The following SCAMP2 variants were observed in gnomAD, a reference collection of about 807,000 sequenced individuals.
The protein encoded by SCAMP2 is secretory carrier membrane protein 2, also known as secretory carrier-associated membrane protein 2.
Under a neutral mutation model 44.1 loss-of-function variants are expected in SCAMP2, and 25 were observed. That is an observed-to-expected ratio of 0.57 (90% CI 0.41 to 0.79). The LOEUF is 0.79. Ranked by LOEUF, SCAMP2 falls within the 30% of genes least tolerant of loss-of-function variation. SCAMP2 has a pLI of 0.00. For missense variants in SCAMP2, 355 were observed against 411.0 expected (o/e 0.86, Z 1.18); for synonymous variants, 156 against 166.0 (o/e 0.94, Z 0.46).
intron 1 of SCAMP2, among the ~76,000 whole-genome samples, chr15:74,868,422 G>A (rs1187428989): frequency 6.6e-6 from 1 of 152,224 alleles, no homozygotes; most frequent in Non-Finnish European, 1.5e-5. Flanking sequence ...CGACTGAGCA[G>A]AAAACAGATT....
rs780755120 is a variant in SCAMP2, at chr15:74,848,592, G to A, written c.734+8C>T. ...AGCCTAATTCCCTCTGTGATGCCCAGGTCTCACCTGTCCCCCAGGCCAGGG... is the reference window on the plus strand; with the variant it reads ...AGCCTAATTCCCTCTGTGATGCCCAAGTCTCACCTGTCCCCCAGGCCAGGG... On this transcript the variant is annotated splice_region_variant and intron_variant, in intron 7 of 8. Coordinates refer to ENST00000268099, the MANE Select transcript of SCAMP2 (RefSeq NM_005697.5). 7.0e-6 allele frequency: 11 copies of A among 1,563,494 alleles called. No individual in the cohort carries two copies. Among genetic ancestry groups the A allele is most frequent in the Non-Finnish European group, 8.8e-6 (10 of 1,134,268 alleles).
chr15:74,867,014 C>G (rs939888512), intron 1 of SCAMP2, among the ~76,000 whole-genome samples: 37 of 152,182 alleles, frequency 2.4e-4, no homozygotes, highest in African/African-American at 8.9e-4. Flanking sequence ...CCAGGCTGGT[C>G]TCGAACTCCT....
intron 1 of SCAMP2, among the ~76,000 whole-genome samples, chr15:74,866,017 A>AGG (rs1343642581): frequency 4.7e-5 from 4 of 84,918 alleles, no homozygotes; most frequent in South Asian, 5.9e-4. Flanking sequence ...GAAGGAAGGA[A>AGG]AGGAGGGAGG....
intron 5 of SCAMP2, among the ~76,000 whole-genome samples, 166 bp downstream of exon 5, chr15:74,851,185 AGG>A (rs1388018416): frequency 7.2e-6 from 1 of 138,698 alleles, no homozygotes; most frequent in African/African-American, 3.5e-5. Flanking sequence ...GTTTCCAGAC[AGG>A]GGGCAGCCTG....
chr15:74,872,100 G>A (rs2064579805), intron 1 of SCAMP2, among the ~76,000 whole-genome samples: 1 of 150,952 alleles, frequency 6.6e-6, no homozygotes, highest in South Asian at 2.1e-4. Context: ...CAGGAAGATT[G>A]TTTCTTCCTT....
At chr15:74,856,099 C>G (rs896478156) in intron 1 of SCAMP2, among the ~76,000 whole-genome samples, 3 of 151,890 alleles carry the variant, frequency 2.0e-5, no homozygotes, top group African/African-American at 7.3e-5. Context: ...CATGCCTGGG[C>G]TCCATGAGGA....
chr15:74,860,618 C>T (rs1022170622), intron 1 of SCAMP2, among the ~76,000 whole-genome samples: 1 of 141,226 alleles, frequency 7.1e-6, no homozygotes, highest in Non-Finnish European at 1.5e-5. Flanking sequence ...AACTGGGAGG[C>T]GGAGGTTGCA....
At chr15:74,871,542 C>T (rs961622151) in intron 1 of SCAMP2, among the ~76,000 whole-genome samples, 6 of 151,920 alleles carry the variant, frequency 3.9e-5, no homozygotes, top group Non-Finnish European at 8.8e-5. Context: ...CACCTGAGGT[C>T]GGGAGTTCGA....
In SCAMP2 at chr15:74,847,161, G is replaced by A. The variant is rs537147328; in HGVS notation, c.734+1439C>T. On this transcript the variant is annotated intron_variant, in intron 7 of 8. Transcript: ENST00000268099. The stretch of plus-strand genomic sequence containing the variant: ...GGCTGGAGAACAGTGGTGTGATCCC[G>A]GCTCACTGCAACCTCCACCTCCCGG... Among the ~76,000 whole-genome samples the A allele has an allele frequency of 8.0e-5, 11 of 136,832 alleles. No individual in the cohort carries two copies. The South Asian group carries it at 2.1e-3, about 27-fold the overall frequency. 89.8% of individuals were successfully genotyped at this position (136,832 alleles called of 152,430 possible). A position where few individuals can be genotyped will look rare whatever the true frequency, so the allele number is the denominator to read the frequency against.
At chr15:74,847,355 A>G (rs12902690) in intron 7 of SCAMP2, among the ~76,000 whole-genome samples, 73,656 of 152,042 alleles carry the variant, frequency 0.48, 21,091 homozygotes, top group Non-Finnish European at 0.65. Flanking sequence ...TGGCCTCCCA[A>G]AGTGCTGGGA....
intron 1 of SCAMP2, among the ~76,000 whole-genome samples, chr15:74,869,680 T>C (rs749306815): frequency 6.6e-6 from 1 of 152,218 alleles, no homozygotes; most frequent in Non-Finnish European, 1.5e-5. Flanking sequence ...GAGGTTAGAA[T>C]AGAGTTCTAA....
intron 1 of SCAMP2, among the ~76,000 whole-genome samples, chr15:74,861,196 A>T (rs574329474): frequency 6.6e-6 from 1 of 152,290 alleles, no homozygotes; most frequent in Non-Finnish European, 1.5e-5. Context: ...ATAAATAAAT[A>T]AATTTTAAAA....
At chr15:74,845,687 G>T in intron 7 of SCAMP2, 94 bp from the exon 8 acceptor site, 2 of 1,478,882 alleles carry the variant, frequency 1.4e-6, no homozygotes, top group Non-Finnish European at 1.9e-6. Context: ...GCTGTGTCCT[G>T]ACCATCACCT....
chr15:74,846,374 G>A (rs2064398945), intron 7 of SCAMP2, among the ~76,000 whole-genome samples: 2 of 151,236 alleles, frequency 1.3e-5, no homozygotes, highest in South Asian at 4.2e-4. Context: ...GAGCCCGTGA[G>A]GTTCAAGGCT....
intron 1 of SCAMP2, among the ~76,000 whole-genome samples, chr15:74,861,955 A>G (rs1208220117): frequency 6.7e-6 from 1 of 150,154 alleles, no homozygotes; most frequent in African/African-American, 2.4e-5. Context: ...GCTTTGTTAC[A>G]TCAATACTAA....
Position 74,845,149 on chromosome 15 carries a change from G to A in SCAMP2, c.924C>T (p.Ile308=), listed in dbSNP as rs755219920. 1.2e-6 allele frequency: 2 copies of A among 1,614,048 alleles called. No individual in the cohort carries two copies. The highest frequency in any genetic ancestry group is 1.7e-6 in the Non-Finnish European group (2 of 1,180,006). Residue 308 remains isoleucine (I), a synonymous_variant, in exon 9 of 9, where the codon ATC becomes ATT. Transcript: ENST00000268099. The part of the protein sequence containing the change: ...QQAQEEFSQG[I]FSSRTFHRAA... ...CTCTGTGGAAGGTTCTGCTGCTGAA[G>A]ATGCCCTGGGAAAACTCCTCCTGGG... is the stretch of plus-strand genomic sequence containing the variant.
At position 74,854,076 on chromosome 15, in the gene SCAMP2, G is replaced by A. The variant is rs758022420; in HGVS notation, c.170C>T (p.Ser57Phe). 1 of 1,614,166 alleles carries A rather than the reference G, an allele frequency of 6.2e-7. No individual in the cohort carries two copies. The highest frequency in any genetic ancestry group is 8.5e-7 in the Non-Finnish European group (1 of 1,179,988). Residue 57 changes from serine (S) to phenylalanine (F), a missense_variant, in exon 3 of 9, where the codon TCC becomes TTC. Ser to Phe is a radical substitution (Grantham distance 155). Transcript: ENST00000268099. The part of the protein sequence containing the change: ...TTVPVTQLPG[S>F]SQPAVLQPSV... ...TGGCTGGAGAACCGCTGGCTGTGAG[G>A]ACCCAGGGAGTTGGGTGACAGGAAC...
intron 4 of SCAMP2, 107 bp downstream of exon 4, chr15:74,851,962 A>G: frequency 1.4e-6 from 1 of 697,872 alleles, no homozygotes; most frequent in Non-Finnish European, 2.3e-6. Flanking sequence ...GAGCCCCACA[A>G]AACTCTAAGG....
In SCAMP2 at chr15:74,858,715, G is replaced by A. The variant is rs191290729; in HGVS notation, c.58-4066C>T. The stretch of plus-strand genomic sequence containing the variant: ...CAAATTGAAGGCGCTCAGTGAATAT[G>A]TGGCAGGATGAATGAGCCCCACTCC... On this transcript the variant is annotated intron_variant, in intron 1 of 8. Transcript: ENST00000268099. Among the ~76,000 whole-genome samples, 109 of 151,482 alleles carry A rather than the reference G, an allele frequency of 7.2e-4. No individual in the cohort carries two copies. In the Middle Eastern group the frequency reaches 0.014, roughly 19 times the overall value.
Sources: gnomAD v4.1 joint callset for allele counts (sites outside exome capture counted in the v4.1 genomes callset) on GRCh38, gnomAD v4.1.1 for gene constraint, MANE v1.5 for transcripts, NCBI Gene and HGNC (gene_info 2026-07-23, HGNC 2026-07-21) for gene names.